SPAG17: variants seen among roughly 807,000 people sequenced by gnomAD.
SPAG17 encodes the protein sperm associated antigen 17.
In SPAG17, 169 loss-of-function variants were observed where a neutral mutation model predicts 273.6. The ratio of observed to expected loss-of-function variants is 0.62; its 90% CI spans 0.55 to 0.70. The LOEUF (loss-of-function observed/expected upper bound fraction) is 0.70, where lower values mean the gene tolerates loss of function less well. Among genes scored for constraint, SPAG17 ranks in the 30% least tolerant of loss-of-function variants. The probability of loss-of-function intolerance (pLI) is 0.00; values close to 1 mark genes in which losing one functional copy is unlikely to be tolerated. For missense variants in SPAG17, 2,557 were observed against 2,627.8 expected (o/e 0.97, Z 0.59); for synonymous variants, 825 against 873.2 (o/e 0.94, Z 0.97).
chr1:118,094,568 G>A (rs1380943349), intron 7 of SPAG17, among the ~76,000 whole-genome samples: 1 of 152,148 alleles, frequency 6.6e-6, no homozygotes, highest in East Asian at 1.9e-4. Flanking sequence ...ATCCTATCTT[G>A]GATATGAAGC....
intron 7 of SPAG17, among the ~76,000 whole-genome samples, chr1:118,095,692 T>C (rs1284785284): frequency 6.6e-6 from 1 of 152,124 alleles, no homozygotes; most frequent in Non-Finnish European, 1.5e-5. Context: ...CCCAAGGAAA[T>C]AGCCTCTTCC....
rs150048396 is a variant in SPAG17, at chr1:118,084,529, C to T, written c.1762+1393G>A. Among the ~76,000 whole-genome samples, 236 of 152,256 alleles carry T rather than the reference C, an allele frequency of 1.6e-3. 2 individuals carry two copies. The highest frequency in any genetic ancestry group is 0.01 in the Middle Eastern group (3 of 294). ...AAAATCCCAGTGAACTCAGATGAGA[C>T]GTGATTCTAGATATTGTATCTTAAT... On this transcript the variant is annotated intron_variant, in intron 13 of 48. Coordinates refer to ENST00000336338, the MANE Select transcript of SPAG17 (RefSeq NM_206996.4).
intron 25 of SPAG17, among the ~76,000 whole-genome samples, chr1:118,030,764 C>T (rs899702880): frequency 1.2e-4 from 19 of 152,138 alleles, no homozygotes; most frequent in African/African-American, 4.1e-4. Flanking sequence ...CTGCAAAGGA[C>T]ATGAACTCAT....
At chr1:118,181,885 G>A (rs751048703) in intron 1 of SPAG17, among the ~76,000 whole-genome samples, 2 of 152,082 alleles carry the variant, frequency 1.3e-5, no homozygotes, top group Non-Finnish European at 2.9e-5. Flanking sequence ...AAAGCCCGAG[G>A]TGGAAGGATT....
intron 4 of SPAG17, among the ~76,000 whole-genome samples, chr1:118,105,841 A>G (rs1303390092): frequency 1.8e-5 from 2 of 109,874 alleles, no homozygotes; most frequent in South Asian, 5.8e-4. Context: ...CTCAGTAATA[A>G]AAAACATCAA....
At chr1:118,122,970 C>A (rs1657505747) in intron 3 of SPAG17, among the ~76,000 whole-genome samples, 1 of 152,216 alleles carries the variant, frequency 6.6e-6, no homozygotes, top group Non-Finnish European at 1.5e-5. Flanking sequence ...TTTATTTAAC[C>A]CTTTGTCCAA....
chr1:118,099,817 A>G lies in SPAG17; in HGVS notation c.635-17T>C. On this transcript the variant is annotated splice_polypyrimidine_tract_variant and intron_variant, in intron 5 of 48. Coordinates refer to ENST00000336338, the MANE Select transcript of SPAG17 (RefSeq NM_206996.4). ...GCTCATCGTCTGTTCAAAATACCAT[A>G]AAGAAGAGCAGCCATCATTGTAAAA... is the stretch of plus-strand genomic sequence containing the variant. 4 of 1,606,112 alleles carry G rather than the reference A, an allele frequency of 2.5e-6. No homozygotes were observed. Among genetic ancestry groups the G allele is most frequent in the Non-Finnish European group, 3.4e-6 (4 of 1,175,546 alleles).
chr1:118,101,641 A>C, intron 5 of SPAG17, 99 bp downstream of exon 5: 2 of 1,197,966 alleles, frequency 1.7e-6, no homozygotes, highest in Non-Finnish European at 2.4e-6. Flanking sequence ...GCGTCAGGAA[A>C]CTATGCGCTC....
chr1:118,087,347 T>C (rs1655078063), intron 10 of SPAG17, among the ~76,000 whole-genome samples: 2 of 152,232 alleles, frequency 1.3e-5, no homozygotes, highest in South Asian at 4.1e-4. Context: ...CTTAAAGCAG[T>C]GGAAAGAGTG....
chr1:118,008,225 T>C (rs1217927206), intron 30 of SPAG17, 27 bp from the exon 31 acceptor site: 1 of 1,611,990 alleles, frequency 6.2e-7, no homozygotes. Flanking sequence ...GGTAAGCAGA[T>C]CTGATAGGAT....
intron 15 of SPAG17, among the ~76,000 whole-genome samples, chr1:118,075,547 C>T (rs745436807): frequency 6.6e-6 from 1 of 152,198 alleles, no homozygotes; most frequent in African/African-American, 2.4e-5. Context: ...ATGTATATAG[C>T]ATTTTGCAAA....
chr1:118,059,841 T>G (rs944698424), intron 18 of SPAG17, among the ~76,000 whole-genome samples: 4 of 152,140 alleles, frequency 2.6e-5, no homozygotes, highest in Non-Finnish European at 5.9e-5. Flanking sequence ...AAATCTAAAG[T>G]GAGTCTCTTG....
chr1:117,982,687 A>G (rs1655971239), intron 42 of SPAG17, among the ~76,000 whole-genome samples: 2 of 152,198 alleles, frequency 1.3e-5, no homozygotes, highest in Non-Finnish European at 2.9e-5. Context: ...AGAAATTAAC[A>G]GTAATTTAAC....
At chr1:117,959,802 C>T (rs1364308571) in intron 48 of SPAG17, 2 of 158,576 alleles carry the variant, frequency 1.3e-5, no homozygotes, top group Non-Finnish European at 2.8e-5. Flanking sequence ...AAAAGTTTTT[C>T]GTATTTTTTT....
intron 28 of SPAG17, among the ~76,000 whole-genome samples, chr1:118,018,694 C>T (rs146098345): frequency 2.0e-4 from 30 of 151,226 alleles, no homozygotes; most frequent in South Asian, 4.2e-4. Flanking sequence ...AATTGCTGAG[C>T]ATGGTGGTGC....
chr1:117,983,703 C>T, intron 42 of SPAG17, 108 bp downstream of exon 42: 1 of 604,800 alleles, frequency 1.7e-6, no homozygotes, highest in Non-Finnish European at 2.8e-6. Flanking sequence ...ATGCAGGTCA[C>T]TGTAGGCTAT....
In SPAG17 at chr1:118,005,598, A is replaced by G. The variant is rs771996314; in HGVS notation, c.4592T>C (p.Leu1531Ser). The G allele has an allele frequency of 6.7e-7, 1 of 1,487,048 alleles. No individual in the cohort carries two copies. Among genetic ancestry groups the G allele is most frequent in the Non-Finnish European group, 9.0e-7 (1 of 1,115,938 alleles). 92.1% of individuals were successfully genotyped at this position (1,487,048 alleles called of 1,614,324 possible). ...ATAAAGAGAGCCTGTGTTTGGAGGT[A>G]ACACCTGAAAGAGTAACAGAAAGAC... ...IAKPQGTYQV[L>S]PPNTGSLYID... is the part of the protein sequence containing the mutation. Residue 1531 changes from leucine to serine, a missense_variant, in exon 32 of 49, where the codon TTA (leucine) becomes TCA (serine). Transcript: ENST00000336338.
rs778845579 is a variant in SPAG17 at position 118,086,684 on chromosome 1, T to A, written c.1598A>T (p.Lys533Met). 2.5e-6 allele frequency: 4 copies of A among 1,614,168 alleles called. No homozygotes were observed. Among genetic ancestry groups the A allele is most frequent in the Non-Finnish European group, 3.4e-6 (4 of 1,179,992 alleles). ...LNYHDAHAHK[K>M]YALQDQKNFD... ...GATTATTATTACCTGTAGTGCGTAC[T>A]TCTTGTGGGCGTGTGCATCATGATA... Residue 533 changes from lysine to methionine, a missense_variant, in exon 12 of 49, where the codon AAG becomes ATG. Transcript: ENST00000336338.
intron 18 of SPAG17, among the ~76,000 whole-genome samples, chr1:118,065,839 T>A (rs890240436): frequency 3.4e-4 from 52 of 151,794 alleles, no homozygotes; most frequent in Non-Finnish European, 5.9e-4. Context: ...AAAAAAAAAA[T>A]TTAATTGTTG....
Sources: allele counts gnomAD v4.1 joint callset (sites outside exome capture counted in the v4.1 genomes callset), GRCh38; gene constraint gnomAD v4.1.1; transcripts MANE v1.5; gene names NCBI Gene and HGNC (gene_info 2026-07-23, HGNC 2026-07-21).